SSX2IP: variants seen among roughly 807,000 people sequenced by gnomAD.
SSX2IP encodes the protein afadin- and alpha-actinin-binding protein.
In SSX2IP, 55 loss-of-function variants were observed where a neutral mutation model predicts 84.9. The ratio of observed to expected loss-of-function variants is 0.65; its 90% CI spans 0.52 to 0.81. The LOEUF (loss-of-function observed/expected upper bound fraction) is 0.81, where lower values mean the gene tolerates loss of function less well. Among genes scored for constraint, SSX2IP ranks in the 30% least tolerant of loss-of-function variants. The pLI is 0.00. For synonymous variants in SSX2IP, 239 were observed against 234.7 expected, an observed-to-expected ratio of 1.02 and a Z score of -0.17; for missense variants, 664 against 705.2, an observed-to-expected ratio of 0.94 and a Z score of 0.66.
Position 84,645,747 on chromosome 1 carries a change from C to A in SSX2IP, c.*1686G>T, listed in dbSNP as rs558144454. The A allele has an allele frequency of 5.3e-5, 8 of 150,766 alleles. No individual in the cohort carries two copies. The East Asian group carries it at 1.4e-3, about 25-fold the overall frequency. The allele number at this position is 150,766 out of a possible 1,614,324, so 9.3% of individuals were successfully genotyped here. On this transcript the variant is annotated 3_prime_UTR_variant, in exon 14 of 14. Coordinates refer to ENST00000342203, the MANE Select transcript of SSX2IP (RefSeq NM_001166293.2). ...ACAAAAACAACAAAAATCCTATATCCCAGCTAGATTTCTTCCTTTAGCATA... is the reference window on the plus strand; with the variant it reads ...ACAAAAACAACAAAAATCCTATATCACAGCTAGATTTCTTCCTTTAGCATA...
chr1:84,648,353 T>G lies in SSX2IP; in HGVS notation c.1671-746A>C, dbSNP rs532614847. 2.0e-5 allele frequency among the ~76,000 whole-genome samples: 3 copies of G among 152,346 alleles called. No individual in the cohort carries two copies. The East Asian group carries it at 5.8e-4, about 29-fold the overall frequency. ...TGAATTTCTTTAAGCTCCAAAATTG[T>G]TTCTATGCCACGGATGTTGTTTAGT... On this transcript the variant is annotated intron_variant, in intron 13 of 13. Coordinates refer to ENST00000342203, the MANE Select transcript of SSX2IP (RefSeq NM_001166293.2).
At chr1:84,661,121 A>AG (rs1471870609) in intron 8 of SSX2IP, among the ~76,000 whole-genome samples, 2 of 150,460 alleles carry the variant, frequency 1.3e-5, no homozygotes, top group Non-Finnish European at 3.0e-5. Context: ...AATGTTAAGG[A>AG]GAAAAAAAGG....
At chr1:84,666,952 C>G (rs1002374027) in intron 4 of SSX2IP, among the ~76,000 whole-genome samples, 8 of 152,156 alleles carry the variant, frequency 5.3e-5, no homozygotes, top group African/African-American at 1.7e-4. Context: ...CTTAACCGAC[C>G]ATAAATAATA....
At chr1:84,653,578 T>C in intron 11 of SSX2IP, among the ~76,000 whole-genome samples, 1 of 152,106 alleles carries the variant, frequency 6.6e-6, no homozygotes, top group Non-Finnish European at 1.5e-5. Context: ...CTTGGAGTAA[T>C]GTGGGGAATA....
chr1:84,670,879 G>A (rs1415622102), intron 2 of SSX2IP, 64 bp from the exon 3 acceptor site: 31 of 1,291,002 alleles, frequency 2.4e-5, no homozygotes, highest in East Asian at 1.4e-4. Flanking sequence ...TAACATAATC[G>A]CCATTACTAA....
At chr1:84,654,252 T>C (rs1166985671) in intron 11 of SSX2IP, among the ~76,000 whole-genome samples, 2 of 151,818 alleles carry the variant, frequency 1.3e-5, no homozygotes, top group Admixed American at 6.6e-5. Context: ...TTTAAGAAAA[T>C]ACCAAAGCTT....
In SSX2IP at chr1:84,661,118, A is replaced by G. The variant is rs575588387; in HGVS notation, c.927+1080T>C. Among the ~76,000 whole-genome samples, 246 of 151,174 alleles carry G rather than the reference A, an allele frequency of 1.6e-3. 1 individual carries two copies. Among genetic ancestry groups the G allele is most frequent in the Non-Finnish European group, 2.7e-3 (180 of 67,758 alleles). On this transcript the variant is annotated intron_variant, in intron 8 of 13. Coordinates refer to ENST00000342203, the MANE Select transcript of SSX2IP (RefSeq NM_001166293.2). The stretch of plus-strand genomic sequence containing the variant: ...AGGTAATTTTTTTTTTTAAATGTTA[A>G]GGAGAAAAAAAGGTAAGTGCTGGGA...
At chr1:84,688,456 G>A (rs932766098) in intron 1 of SSX2IP, among the ~76,000 whole-genome samples, 1 of 152,294 alleles carries the variant, frequency 6.6e-6, no homozygotes, top group East Asian at 1.9e-4. Flanking sequence ...CATGTTAAAT[G>A]AATTAAAATC....
chr1:84,656,434 G>T lies in SSX2IP; in HGVS notation c.1129C>A (p.Gln377Lys). The change falls in exon 10 of 14, where the codon CAA becomes AAA. Residue 377 changes from glutamine to lysine, a missense_variant. By Grantham distance (53) the Gln-to-Lys change is moderately conservative. Coordinates refer to ENST00000342203, the MANE Select transcript of SSX2IP (RefSeq NM_001166293.2). ...TTTTCAGTTTCTTGTTCATGGTCTTGTCGTGAGATTACATCTTCATCATTA... is the reference window on the plus strand; with the variant it reads ...TTTTCAGTTTCTTGTTCATGGTCTTTTCGTGAGATTACATCTTCATCATTA... ...GFNDEDVISR[Q>K]DHEQETEKLE... 1.2e-6 allele frequency: 2 copies of T among 1,613,350 alleles called. No homozygotes were observed. The highest frequency in any genetic ancestry group is 1.7e-6 in the Non-Finnish European group (2 of 1,179,636).
intron 1 of SSX2IP, among the ~76,000 whole-genome samples, chr1:84,683,610 C>T (rs1655382813): frequency 6.6e-6 from 1 of 152,158 alleles, no homozygotes; most frequent in Non-Finnish European, 1.5e-5. Flanking sequence ...CTTTGTACCC[C>T]ACTTCGGTAA....
At chr1:84,681,090 T>C (rs771188070) in intron 1 of SSX2IP, among the ~76,000 whole-genome samples, 49 of 152,184 alleles carry the variant, frequency 3.2e-4, no homozygotes, top group Non-Finnish European at 5.9e-5. Context: ...AGATAGTCAA[T>C]TATGTAAGGG....
At chr1:84,659,403 C>G (rs1345412177) in intron 8 of SSX2IP, among the ~76,000 whole-genome samples, 1 of 152,112 alleles carries the variant, frequency 6.6e-6, no homozygotes, top group Non-Finnish European at 1.5e-5. Context: ...GATTCTAGCC[C>G]CTGCCAATAC....
intron 4 of SSX2IP, among the ~76,000 whole-genome samples, chr1:84,668,196 A>C (rs1215864737): frequency 6.6e-6 from 1 of 152,144 alleles, no homozygotes; most frequent in Non-Finnish European, 1.5e-5. Context: ...CCACTCCTTG[A>C]AGTAAAGGCT....
intron 1 of SSX2IP, among the ~76,000 whole-genome samples, chr1:84,686,819 G>C (rs1236292867): frequency 2.0e-5 from 3 of 152,174 alleles, no homozygotes; most frequent in African/African-American, 7.2e-5. Context: ...TCGGTGATTA[G>C]TGACTTAATG....
In SSX2IP at chr1:84,669,685, A is replaced by G; in HGVS notation, c.422T>C (p.Leu141Pro). 1 of 1,612,698 alleles carries G rather than the reference A, an allele frequency of 6.2e-7. No individual in the cohort carries two copies. The highest frequency in any genetic ancestry group is 8.5e-7 in the Non-Finnish European group (1 of 1,179,054). Reference sequence around the variant, plus strand: ...ATATGGATCTGCAATTTCTACCTTAAGTTTTGAGTAGCAGCTCTGTAGATG... The same window carrying G: ...ATATGGATCTGCAATTTCTACCTTAGGTTTTGAGTAGCAGCTCTGTAGATG... Reference protein sequence around the residue: ...MDHLQSCYSKLKEQLETSRRE... With the variant: ...MDHLQSCYSKPKEQLETSRRE... Residue 141 changes from leucine (L) to proline (P), a missense_variant, in exon 4 of 14, where the codon CTT becomes CCT. Transcript: ENST00000342203.
intron 6 of SSX2IP, among the ~76,000 whole-genome samples, chr1:84,663,508 C>A (rs975764152): frequency 3.9e-5 from 6 of 152,184 alleles, no homozygotes; most frequent in African/African-American, 1.4e-4. Context: ...ATTACTGAAT[C>A]TTCATTTCTA....
At chr1:84,684,823 T>C (rs143710407) in intron 1 of SSX2IP, among the ~76,000 whole-genome samples, 3 of 152,180 alleles carry the variant, frequency 2.0e-5, no homozygotes, top group Non-Finnish European at 4.4e-5. Context: ...AATTTCAGTA[T>C]TATAAAATGA....
Position 84,644,553 on chromosome 1 carries a change from T to C in SSX2IP, c.*2880A>G, listed in dbSNP as rs1028185356. On this transcript the variant is annotated 3_prime_UTR_variant, in exon 14 of 14. Transcript: ENST00000342203. ...CAATCTAGAAATAACATGACTCATA[T>C]TAGGCAATATACTTTGAAGATCTGT... is the stretch of plus-strand genomic sequence containing the variant. The C allele has an allele frequency of 6.6e-6, 1 of 152,208 alleles. No homozygotes were observed. The highest frequency in any genetic ancestry group is 1.5e-5 in the Non-Finnish European group (1 of 68,032). 9.4% of individuals were successfully genotyped at this position (152,208 alleles called of 1,614,324 possible). A position where few individuals can be genotyped will look rare whatever the true frequency, so the allele number is the denominator to read the frequency against.
intron 1 of SSX2IP, among the ~76,000 whole-genome samples, chr1:84,677,293 C>T (rs1316868285): frequency 1.3e-5 from 2 of 152,104 alleles, no homozygotes; most frequent in African/African-American, 2.4e-5. Flanking sequence ...ACTTCTCTAT[C>T]GTAAATATCA....
Sources: allele counts gnomAD v4.1 joint callset (sites outside exome capture counted in the v4.1 genomes callset), GRCh38; gene constraint gnomAD v4.1.1; transcripts MANE v1.5; gene names NCBI Gene and HGNC (gene_info 2026-07-23, HGNC 2026-07-21).